INF2: variants seen among roughly 807,000 people sequenced by gnomAD.
INF2 encodes the protein inverted formin-2.
INF2 carries 43 observed loss-of-function variants against 123.5 expected under a neutral mutation model. The observed-to-expected ratio is 0.35, with a 90% CI of 0.27 to 0.45. INF2 has a LOEUF of 0.45. Ranked by LOEUF, INF2 falls within the 20% of genes least tolerant of loss-of-function variation. INF2 has a pLI of 1.00. For missense variants in INF2, 1,453 were observed against 1,682.7 expected (o/e 0.86, Z 2.39); for synonymous variants, 851 against 745.0 (o/e 1.14, Z -2.32).
chr14:104,706,469 C>T (rs1369115861), intron 6 of INF2, among the ~76,000 whole-genome samples: 1 of 152,198 alleles, frequency 6.6e-6, no homozygotes, highest in South Asian at 2.1e-4. Flanking sequence ...CCACAGCCGG[C>T]CTTACTGTCC....
chr14:104,707,164 G>T, intron 7 of INF2, 89 bp from the exon 8 acceptor site: 1 of 1,510,830 alleles, frequency 6.6e-7, no homozygotes, highest in East Asian at 2.4e-5. Flanking sequence ...CCCAGGGGAG[G>T]TGGCCGCTTT....
rs747696039 is a variant in INF2 at position 104,707,455 on chromosome 14, C to G, written c.1188C>G (p.Pro396=). ...CAGCAGCAGCTGCTGCCTGCGAGCC[C>G]GTGGACCACGCCCAGAGTGAGAGCA... ...QQPAAAAACE[P]VDHAQSESIL... Residue 396 remains proline, a synonymous_variant, in exon 8 of 23, where the codon CCC becomes CCG. Transcript: ENST00000392634. 7 of 1,560,226 alleles carry G rather than the reference C, an allele frequency of 4.5e-6. No homozygotes were observed. The Admixed American group carries it at 1.3e-4, about 30-fold the overall frequency.
rs1889843607 is a variant in INF2, at chr14:104,707,597, C to G, written c.1330C>G (p.Pro444Ala). 9.3e-7 allele frequency: 1 copy of G among 1,078,714 alleles called. No homozygotes were observed. Among genetic ancestry groups the G allele is most frequent in the African/African-American group, 1.8e-5 (1 of 56,922 alleles). The allele number at this position is 1,078,714 out of a possible 1,614,324, so 66.8% of individuals were successfully genotyped here. Residue 444 changes from proline to alanine, a missense_variant, in exon 8 of 23, where the codon CCC (proline) becomes GCC (alanine). Pro to Ala is a conservative substitution (Grantham distance 27). This residue lies in a region of INF2 where 374 missense variants were observed against 303.7 expected (regional missense o/e 1.23). Transcript: ENST00000392634. ...CGAGCCCCCTCCCCCTCCCCCACCA[C>G]CCCCCCTGCCCAGTGTGGGGGCTAA... is the stretch of plus-strand genomic sequence containing the variant. ...SAEPPPPPPP[P>A]PLPSVGAKAL...
chr14:104,683,081 C>CTTTCAATG (rs1888567213), intron 1 of INF2, among the ~76,000 whole-genome samples: 6 of 133,036 alleles, frequency 4.5e-5, no homozygotes, highest in Admixed American at 4.3e-4. Flanking sequence ...GCGTGAGCCA[C>CTTTCAATG]TGCTACCTTA....
At position 104,715,282 on chromosome 14, in the gene INF2, A is replaced by G. The variant is rs781508412; in HGVS notation, c.3695-2A>G. 1.2e-6 allele frequency: 2 copies of G among 1,613,622 alleles called. No individual in the cohort carries two copies. The highest frequency in any genetic ancestry group is 1.1e-5 in the South Asian group (1 of 91,082). ...GAGTGCGTTTCTTTTATTTGGAAGC[A>G]GAGGTTCCCCCTGATTCTGATGATA... On this transcript the variant is annotated splice_acceptor_variant, in intron 21 of 22. Coordinates refer to ENST00000392634, the MANE Select transcript of INF2 (RefSeq NM_022489.4). LOFTEE classifies it high-confidence loss of function.
upstream of INF2, among the ~76,000 whole-genome samples, chr14:104,686,174 G>C (rs1888657759): frequency 6.6e-6 from 1 of 150,924 alleles, no homozygotes; most frequent in South Asian, 2.1e-4. Flanking sequence ...ATGGATGGAT[G>C]AGTAGATGAT....
rs1355711527 is a variant in INF2 at position 104,708,427 on chromosome 14, A to G, written c.1736-9A>G. The G allele has an allele frequency of 1.9e-6, 3 of 1,611,196 alleles. No individual in the cohort carries two copies. Among genetic ancestry groups the G allele is most frequent in the Non-Finnish European group, 2.5e-6 (3 of 1,179,640 alleles). On this transcript the variant is annotated splice_polypyrimidine_tract_variant and intron_variant, in intron 8 of 22. Coordinates refer to ENST00000392634, the MANE Select transcript of INF2 (RefSeq NM_022489.4). ...CGAGAGCCTCACTGGCCGTGTCCCC[A>G]CCCGACAGAGCACAACTCTATGTGG...
intron 1 of INF2, among the ~76,000 whole-genome samples, chr14:104,700,289 C>G (rs999268142): frequency 1.3e-5 from 2 of 152,152 alleles, no homozygotes; most frequent in African/African-American, 2.4e-5. Context: ...GCCTCCAGTT[C>G]CCCACCTGTT....
intron 5 of INF2, among the ~76,000 whole-genome samples, chr14:104,705,059 G>T (rs1889716115): frequency 6.6e-6 from 1 of 152,224 alleles, no homozygotes; most frequent in Non-Finnish European, 1.5e-5. Flanking sequence ...TGTACTCAGG[G>T]GGGTGTCCTT....
intron 2 of INF2, 48 bp from the exon 3 acceptor site, chr14:104,703,057 G>A (rs777938865): frequency 6.8e-7 from 1 of 1,467,074 alleles, no homozygotes. Context: ...CACAGGCATG[G>A]GAAGGGGTGC....
chr14:104,697,482 C>T (rs1473732395), intron 1 of INF2, among the ~76,000 whole-genome samples: 1 of 152,258 alleles, frequency 6.6e-6, no homozygotes, highest in Admixed American at 6.5e-5. Flanking sequence ...ACCGCAGGGG[C>T]TAGGCACATG....
rs1256555211 is a variant in INF2, at chr14:104,709,657, A to T, written c.2090A>T (p.Lys697Met). The change falls in exon 12 of 23, where the codon AAG becomes ATG. Residue 697 changes from lysine to methionine, a missense_variant. By Grantham distance (95) the Lys-to-Met change is moderately conservative (BLOSUM62 -1). Transcript: ENST00000392634. ...NLRAFTEERA[K>M]LASADHFYLL... Reference sequence around the variant, plus strand: ...CGGGCATTCACAGAGGAGCGAGCCAAGCTGGCCAGCGCCGACCACTTCTAC... The same window carrying T: ...CGGGCATTCACAGAGGAGCGAGCCATGCTGGCCAGCGCCGACCACTTCTAC... 1.2e-6 allele frequency: 2 copies of T among 1,612,574 alleles called. No homozygotes were observed. The highest frequency in any genetic ancestry group is 1.7e-5 in the Admixed American group (1 of 60,010).
intron 1 of INF2, among the ~76,000 whole-genome samples, chr14:104,691,507 G>C (rs1164224018): frequency 6.6e-6 from 1 of 152,194 alleles, no homozygotes; most frequent in African/African-American, 2.4e-5. Flanking sequence ...CAAACAGCAG[G>C]TGTCTGATAG....
intron 13 of INF2, among the ~76,000 whole-genome samples, chr14:104,710,413 G>A (rs886346797): frequency 2.0e-5 from 3 of 151,368 alleles, no homozygotes; most frequent in Admixed American, 1.3e-4. Context: ...ACTCGGGCAC[G>A]TGCACACACA....
intron 22 of INF2, 144 bp from the exon 23 acceptor site, chr14:104,718,651 G>T: frequency 7.0e-7 from 1 of 1,433,732 alleles, no homozygotes; most frequent in Middle Eastern, 2.0e-4. Flanking sequence ...AGAGCCTGGG[G>T]TCAGAGTGGA....
rs1473555311 is a variant in INF2 at position 104,713,274 on chromosome 14, A to C, written c.2843A>C (p.Glu948Ala). 9 of 1,550,594 alleles carry C rather than the reference A, an allele frequency of 5.8e-6. No homozygotes were observed. Among genetic ancestry groups the C allele is most frequent in the Non-Finnish European group, 7.8e-6 (9 of 1,147,684 alleles). ...AGGAAGCAGCAGCTGGCGGAGGAGG[A>C]GGCGCGGCGGCCTCGGGGAGAGGAC... is the stretch of plus-strand genomic sequence containing the variant. ...ERRKQQLAEE[E>A]ARRPRGEDGK... Residue 948 changes from glutamate (E) to alanine (A), a missense_variant, in exon 19 of 23, where the codon GAG becomes GCG. Around this residue, in one of 8 missense-constraint regions of INF2, gnomAD observed 212 missense variants for 266.2 expected, o/e 0.80. Coordinates refer to ENST00000392634, the MANE Select transcript of INF2 (RefSeq NM_022489.4).
chr14:104,687,089 C>T (rs997178984), upstream of INF2, among the ~76,000 whole-genome samples: 2 of 152,168 alleles, frequency 1.3e-5, no homozygotes, highest in African/African-American at 2.4e-5. This position sits in a 1 kb window ranked among gnomAD's most constrained non-coding sequence, Gnocchi z 5.6. Context: ...TACCCGGCTC[C>T]GAGGAAGGAC....
rs1024484496 is a variant in INF2, at chr14:104,682,873, C to T, written c.-104+1291C>T. On this transcript the variant is annotated intron_variant, in intron 1 of 2. Coordinates refer to the INF2 transcript ENST00000674723. ...AAGTCAGCCAACCCTAGGATTATCACGTCTGGGTTGAACTGAGGGGTCTTC... is the reference window on the plus strand; with the variant it reads ...AAGTCAGCCAACCCTAGGATTATCATGTCTGGGTTGAACTGAGGGGTCTTC... 8.5e-5 allele frequency among the ~76,000 whole-genome samples: 13 copies of T among 152,254 alleles called. No homozygotes were observed. In the South Asian group the frequency reaches 1.7e-3, roughly 19 times the overall value.
upstream of INF2, among the ~76,000 whole-genome samples, chr14:104,689,403 C>T (rs2140587995): frequency 6.6e-6 from 1 of 152,266 alleles, no homozygotes; most frequent in Non-Finnish European, 1.5e-5. Context: ...GGAGCCAGGC[C>T]AGCAGGGACC....
Sources: gnomAD v4.1 joint callset for allele counts (sites outside exome capture counted in the v4.1 genomes callset) on GRCh38, gnomAD v4.1.1 for gene constraint, gnomAD v4.1.1 regional missense constraint, Gnocchi (gnomAD v3.1) non-coding constraint, MANE v1.5 for transcripts, NCBI Gene and HGNC (gene_info 2026-07-23, HGNC 2026-07-21) for gene names.